Variants in TRAK2 observed in about 807,000 individuals in gnomAD.
The protein encoded by TRAK2 is trafficking kinesin protein 2.
A neutral mutation model predicts 104.6 loss-of-function variants in TRAK2; 81 were observed. The observed-to-expected ratio is 0.77, with a 90% CI of 0.65 to 0.93. The LOEUF is 0.93. Ranked by LOEUF, TRAK2 falls within the 40% of genes least tolerant of loss-of-function variation. TRAK2 has a pLI of 0.00. For synonymous variants in TRAK2, 406 were observed against 394.4 expected, an observed-to-expected ratio of 1.03 and a Z score of -0.35; for missense variants, 1,002 against 1,089.0, an observed-to-expected ratio of 0.92 and a Z score of 1.12.
chr2:201,395,643 G>A (rs1951495112), intron 7 of TRAK2, among the ~76,000 whole-genome samples, 199 bp from the exon 8 acceptor site: 1 of 152,112 alleles, frequency 6.6e-6, no homozygotes, highest in African/African-American at 2.4e-5. Flanking sequence ...GCTGGGAACA[G>A]AATAGGAGAC....
intron 1 of TRAK2, among the ~76,000 whole-genome samples, chr2:201,425,600 C>T (rs1451211235): frequency 6.6e-6 from 1 of 152,070 alleles, no homozygotes; most frequent in African/African-American, 2.4e-5. Context: ...GGGGTTTCAC[C>T]ATGTTGGCCA....
intron 2 of TRAK2, chr2:201,410,798 G>C: frequency 6.2e-7 from 1 of 1,606,566 alleles, no homozygotes; most frequent in Non-Finnish European, 8.5e-7. Context: ...GGTTTCTGAG[G>C]GCCAAAGAGA....
At chr2:201,399,252 A>G (rs567426933) in intron 5 of TRAK2, 125 bp downstream of exon 5, 66 of 618,042 alleles carry the variant, frequency 1.1e-4, no homozygotes, top group African/African-American at 1.0e-3. Flanking sequence ...ATGGACACCA[A>G]CAAAGTGAAC....
chr2:201,427,667 AAT>A lies in TRAK2; in HGVS notation c.-199-6963_-199-6962del, dbSNP rs1951802094. On this transcript the variant is annotated intron_variant, in intron 1 of 15. Transcript: ENST00000332624. ...GTGTCTGTATAGCAGCATGATTTAT[AAT>A]CCTTTGGGTATATACCCAGTAATGG... is the stretch of plus-strand genomic sequence containing the variant. Among the ~76,000 whole-genome samples the A allele has an allele frequency of 3.9e-5, 6 of 152,288 alleles. No homozygotes were observed. In the South Asian group the frequency reaches 1.2e-3, roughly 32 times the overall value.
chr2:201,380,474 C>T lies in TRAK2; in HGVS notation c.*69G>A, dbSNP rs1951328574. Reference sequence around the variant, plus strand: ...TCCTTTTCTCTCAAGTCAGACCAGACCACATGTTTCAGTGCATATCTATCC... The same window carrying T: ...TCCTTTTCTCTCAAGTCAGACCAGATCACATGTTTCAGTGCATATCTATCC... On this transcript the variant is annotated 3_prime_UTR_variant, in exon 16 of 16. Transcript: ENST00000332624. The T allele has an allele frequency of 1.4e-5, 20 of 1,455,352 alleles. No individual in the cohort carries two copies. In the South Asian group the frequency reaches 2.2e-4, roughly 16 times the overall value. The allele number at this position is 1,455,352 out of a possible 1,614,324, so 90.2% of individuals were successfully genotyped here. A position where few individuals can be genotyped will look rare whatever the true frequency, so the allele number is the denominator to read the frequency against.
chr2:201,421,621 A>G (rs1425092438), intron 1 of TRAK2, among the ~76,000 whole-genome samples: 1 of 152,138 alleles, frequency 6.6e-6, no homozygotes, highest in Non-Finnish European at 1.5e-5. Flanking sequence ...ACAGATGCTC[A>G]ACTTCACTCA....
intron 9 of TRAK2, 82 bp from the exon 10 acceptor site, chr2:201,393,128 G>A: frequency 7.0e-7 from 1 of 1,428,880 alleles, no homozygotes; most frequent in Non-Finnish European, 9.4e-7. Context: ...TTTGGGATAA[G>A]TATTGATTTT....
chr2:201,413,070 T>G (rs1483346776), intron 2 of TRAK2: 2 of 856,678 alleles, frequency 2.3e-6, no homozygotes, highest in Admixed American at 1.9e-5. Context: ...GAATCAATTA[T>G]TTGATCCTTT....
Position 201,380,446 on chromosome 2 carries a change from CATTCCTT to C in TRAK2, c.*90_*96del. Reference sequence around the variant, plus strand: ...TTTCACATTCACAACCCTTGTGCAACATTCCTTTTCTCTCAAGTCAGACCAGACCACA... The same window carrying C: ...TTTCACATTCACAACCCTTGTGCAACTTCTCTCAAGTCAGACCAGACCACA... On this transcript the variant is annotated 3_prime_UTR_variant, in exon 16 of 16. Coordinates refer to ENST00000332624, the MANE Select transcript of TRAK2 (RefSeq NM_015049.3). 8.0e-7 allele frequency: 1 copy of C among 1,246,538 alleles called. No homozygotes were observed. The highest frequency in any genetic ancestry group is 1.1e-6 in the Non-Finnish European group (1 of 896,644). 77.2% of individuals were successfully genotyped at this position (1,246,538 alleles called of 1,614,324 possible). A position where few individuals can be genotyped will look rare whatever the true frequency, so the allele number is the denominator to read the frequency against.
intron 13 of TRAK2, among the ~76,000 whole-genome samples, chr2:201,386,752 G>A (rs947293495): frequency 6.6e-6 from 1 of 152,208 alleles, no homozygotes; most frequent in African/African-American, 2.4e-5. Flanking sequence ...TAATAGGAAA[G>A]GAGCTTAGCT....
At position 201,378,495 on chromosome 2, in the gene TRAK2, G is replaced by C. The variant is rs1332164338; in HGVS notation, c.*2048C>G. The C allele has an allele frequency of 2.0e-5, 3 of 152,052 alleles. No homozygotes were observed. The highest frequency in any genetic ancestry group is 2.9e-5 in the Non-Finnish European group (2 of 68,018). 9.4% of individuals were successfully genotyped at this position (152,052 alleles called of 1,614,324 possible). The stretch of plus-strand genomic sequence containing the variant: ...CAGAAACAGTAATTACTTTCTTAGG[G>C]AACAAATAAAAAATTTTAAGAATTG... On this transcript the variant is annotated 3_prime_UTR_variant, in exon 16 of 16. Coordinates refer to ENST00000332624, the MANE Select transcript of TRAK2 (RefSeq NM_015049.3).
intron 10 of TRAK2, 77 bp from the exon 11 acceptor site, chr2:201,389,957 G>A (rs1197161749): frequency 6.2e-6 from 7 of 1,122,480 alleles, no homozygotes; most frequent in Non-Finnish European, 8.9e-6. Context: ...CTATACTTTT[G>A]GTTTTATAAT....
intron 15 of TRAK2, among the ~76,000 whole-genome samples, chr2:201,382,260 A>C (rs965423652): frequency 6.6e-6 from 1 of 152,198 alleles, no homozygotes; most frequent in Admixed American, 6.5e-5. Context: ...TCTTTAGCCA[A>C]TTTCCCTGCA....
chr2:201,395,127 A>G (rs2110689), intron 8 of TRAK2, 187 bp downstream of exon 8: 629,510 of 635,838 alleles, frequency 0.99, 311,902 homozygotes, highest in East Asian at 1. Flanking sequence ...AAGAGAAATA[A>G]TGACTTGAAA....
chr2:201,410,259 T>A (rs1951633325), intron 2 of TRAK2, among the ~76,000 whole-genome samples: 1 of 150,874 alleles, frequency 6.6e-6, no homozygotes, highest in Admixed American at 6.6e-5. Context: ...TGAGCCGAGA[T>A]CGCGCCACTG....
chr2:201,394,451 C>T (rs1389371151), intron 9 of TRAK2, among the ~76,000 whole-genome samples: 2 of 150,918 alleles, frequency 1.3e-5, no homozygotes, highest in African/African-American at 4.9e-5. Context: ...CAGTGATTCT[C>T]CTGCTTCGCC....
At chr2:201,400,005 T>C (rs1386083871) in intron 4 of TRAK2, among the ~76,000 whole-genome samples, 1 of 152,068 alleles carries the variant, frequency 6.6e-6, no homozygotes, top group Non-Finnish European at 1.5e-5. Context: ...TAGAGGGAAG[T>C]GCAGCCAAGA....
intron 2 of TRAK2, among the ~76,000 whole-genome samples, chr2:201,409,565 A>G (rs761337981): frequency 1.5e-4 from 23 of 152,252 alleles, no homozygotes; most frequent in Admixed American, 2.6e-4. Context: ...TTTGAGGCAG[A>G]CCATGCTAAA....
intron 1 of TRAK2, among the ~76,000 whole-genome samples, chr2:201,424,247 G>T (rs902382356): frequency 2.0e-5 from 3 of 152,142 alleles, no homozygotes; most frequent in African/African-American, 7.2e-5. Context: ...ACCAAGAAGG[G>T]GGAAATGATC....
Sources: gnomAD v4.1 joint callset for allele counts (sites outside exome capture counted in the v4.1 genomes callset) on GRCh38, gnomAD v4.1.1 for gene constraint, MANE v1.5 for transcripts, NCBI Gene and HGNC (gene_info 2026-07-23, HGNC 2026-07-21) for gene names.